Variants in DNM1L observed in about 807,000 individuals in gnomAD.
DNM1L encodes the protein dynamin-1-like protein.
A neutral mutation model predicts 92.8 loss-of-function variants in DNM1L; 33 were observed. The observed-to-expected ratio is 0.36, with a 90% CI of 0.27 to 0.48. DNM1L has a LOEUF of 0.48. Ranked by LOEUF, DNM1L falls within the 20% of genes least tolerant of loss-of-function variation. The pLI is 0.99. For synonymous variants in DNM1L, 284 were observed against 305.0 expected, an observed-to-expected ratio of 0.93 and a Z score of 0.72; for missense variants, 485 against 888.8, an observed-to-expected ratio of 0.55 and a Z score of 5.78.
At chr12:32,684,990 A>G (rs1446920808) in intron 1 of DNM1L, among the ~76,000 whole-genome samples, 2 of 148,030 alleles carry the variant, frequency 1.4e-5, no homozygotes, top group Non-Finnish European at 3.0e-5. Context: ...CACAGGCTGG[A>G]ATGCAGTGGC....
chr12:32,679,781 G>C, intron 1 of DNM1L: 6 of 1,055,328 alleles, frequency 5.7e-6, no homozygotes, highest in Non-Finnish European at 6.9e-6. Context: ...AGTCCGCTGG[G>C]ACCGGGCGCG....
At chr12:32,716,257 A>G (rs1012287976) in intron 6 of DNM1L, among the ~76,000 whole-genome samples, 27 of 152,072 alleles carry the variant, frequency 1.8e-4, no homozygotes, top group Middle Eastern at 6.8e-3. Flanking sequence ...GGGGGTGGCA[A>G]TGTCTTGAGT....
chr12:32,706,034 G>A (rs935183866), intron 2 of DNM1L: 32 of 513,676 alleles, frequency 6.2e-5, no homozygotes, highest in Middle Eastern at 6.4e-4. Flanking sequence ...GCATCAAAAT[G>A]CAAGCTTTTT....
At chr12:32,717,444 ATATAC>A (rs1191542667) in intron 6 of DNM1L, among the ~76,000 whole-genome samples, 13 of 97,506 alleles carry the variant, frequency 1.3e-4, no homozygotes, top group East Asian at 1.2e-3. Flanking sequence ...TATTTTAAAT[ATATAC>A]TATATATATT....
chr12:32,739,940 ATCTG>A (rs1446087620), intron 16 of DNM1L, 120 bp from the exon 17 acceptor site: 2 of 1,240,650 alleles, frequency 1.6e-6, no homozygotes, highest in African/African-American at 3.0e-5. Flanking sequence ...TGACCTCATT[ATCTG>A]TCTGAATAAA....
At chr12:32,685,321 C>G (rs1216014810) in intron 1 of DNM1L, among the ~76,000 whole-genome samples, 2 of 149,132 alleles carry the variant, frequency 1.3e-5, no homozygotes, top group African/African-American at 4.9e-5. Context: ...GTTTAACTTT[C>G]TGAAAAACTA....
At chr12:32,743,170 C>T (rs917826832) in intron 19 of DNM1L, among the ~76,000 whole-genome samples, 184 bp from the exon 20 acceptor site, 5 of 152,110 alleles carry the variant, frequency 3.3e-5, no homozygotes, top group African/African-American at 9.7e-5. Context: ...GCTGGGATTA[C>T]AGGCATGAGC....
At chr12:32,714,939 G>A (rs1953295668) in intron 6 of DNM1L, among the ~76,000 whole-genome samples, 1 of 152,038 alleles carries the variant, frequency 6.6e-6, no homozygotes. Context: ...GGCAGAGGTT[G>A]CAGTGAGCCG....
At chr12:32,705,891 C>T (rs1413681249) in intron 2 of DNM1L, 3 of 1,588,816 alleles carry the variant, frequency 1.9e-6, no homozygotes, top group Non-Finnish European at 2.6e-6. Flanking sequence ...GCTTTTGACC[C>T]TTTTTTTCTC....
At chr12:32,705,128 G>C (rs1213549443) in intron 2 of DNM1L, among the ~76,000 whole-genome samples, 1 of 151,284 alleles carries the variant, frequency 6.6e-6, no homozygotes, top group Non-Finnish European at 1.5e-5. Context: ...TCAGCCTCCT[G>C]AGTAGCTGGG....
intron 1 of DNM1L, among the ~76,000 whole-genome samples, chr12:32,697,906 A>G (rs1952536464): frequency 6.6e-6 from 1 of 152,228 alleles, no homozygotes; most frequent in South Asian, 2.1e-4. Context: ...AACGTAAAAT[A>G]TTAGAAATAA....
chr12:32,702,727 T>TA (rs1343907722), intron 2 of DNM1L, among the ~76,000 whole-genome samples: 3 of 152,184 alleles, frequency 2.0e-5, no homozygotes, highest in Non-Finnish European at 4.4e-5. Flanking sequence ...GAGCATCTGC[T>TA]ATGACTCTAG....
intron 1 of DNM1L, among the ~76,000 whole-genome samples, chr12:32,696,718 G>A (rs1469719869): frequency 2.6e-5 from 4 of 151,252 alleles, no homozygotes; most frequent in African/African-American, 4.9e-5. Flanking sequence ...TCCGCCTCCC[G>A]GGTTCAAGTG....
intron 9 of DNM1L, chr12:32,728,253 T>C (rs1954283771): frequency 6.6e-6 from 1 of 152,186 alleles, no homozygotes; most frequent in South Asian, 2.1e-4. Flanking sequence ...TCTGTATACT[T>C]TAGTGTGCCC....
intron 1 of DNM1L, among the ~76,000 whole-genome samples, chr12:32,686,928 CT>C (rs1432118973): frequency 2.5e-5 from 3 of 121,642 alleles, no homozygotes; most frequent in Non-Finnish European, 5.0e-5. Context: ...TGTAAGAGTT[CT>C]TTTTTTTCTT....
At chr12:32,706,384 T>G (rs1259203467) in intron 2 of DNM1L, among the ~76,000 whole-genome samples, 1 of 152,206 alleles carries the variant, frequency 6.6e-6, no homozygotes, top group African/African-American at 2.4e-5. Context: ...ATACACTTAT[T>G]AAGATATTTT....
intron 9 of DNM1L, among the ~76,000 whole-genome samples, chr12:32,724,593 A>AAATATATAT: frequency 1.5e-5 from 1 of 66,672 alleles, no homozygotes; most frequent in East Asian, 4.3e-4. Context: ...AAAAAAAAAA[A>AAATATATAT]ATATATATAT....
intron 18 of DNM1L, among the ~76,000 whole-genome samples, chr12:32,741,554 G>A (rs916169662): frequency 1.3e-5 from 2 of 152,272 alleles, no homozygotes; most frequent in African/African-American, 4.8e-5. Context: ...CAAAGTGCTG[G>A]GATTATAGGC....
intron 6 of DNM1L, among the ~76,000 whole-genome samples, chr12:32,717,983 ATAGTATG>A (rs1434590419): frequency 1.3e-4 from 14 of 107,396 alleles, no homozygotes; most frequent in Non-Finnish European, 2.1e-4. Context: ...TATAGTATAT[ATAGTATG>A]TATAGTATAT....
Sources: allele counts gnomAD v4.1 joint callset (sites outside exome capture counted in the v4.1 genomes callset), GRCh38; gene constraint gnomAD v4.1.1; transcripts MANE v1.5; gene names NCBI Gene and HGNC (gene_info 2026-07-23, HGNC 2026-07-21).